The following MCF2L variants were observed in gnomAD, a reference collection of about 807,000 sequenced individuals.
The protein encoded by MCF2L is MCF.2 cell line derived transforming sequence like.
MCF2L carries 97 observed loss-of-function variants against 153.4 expected under a neutral mutation model. The ratio of observed to expected loss-of-function variants is 0.63; its 90% CI spans 0.54 to 0.75. The LOEUF is 0.75. Among genes scored for constraint, MCF2L ranks in the 30% least tolerant of loss-of-function variants. The pLI, the probability that MCF2L is intolerant of heterozygous loss-of-function variation, is 0.00. For missense variants in MCF2L, 1,347 were observed against 1,495.2 expected, an observed-to-expected ratio of 0.90 and a Z score of 1.64; for synonymous variants, 659 against 632.2, an observed-to-expected ratio of 1.04 and a Z score of -0.64.
At chr13:112,990,285 T>G (rs2082848805) in intron 1 of MCF2L, among the ~76,000 whole-genome samples, 1 of 152,222 alleles carries the variant, frequency 6.6e-6, no homozygotes, top group African/African-American at 2.4e-5. Flanking sequence ...CTACACCAGG[T>G]CCAGCCCTGT....
At chr13:112,981,693 G>C (rs1167149117) in intron 1 of MCF2L, among the ~76,000 whole-genome samples, 10 of 152,244 alleles carry the variant, frequency 6.6e-5, no homozygotes, top group African/African-American at 9.6e-5. Context: ...CCGAGGCACA[G>C]GCAGGGGGAC....
At position 112,904,167 on chromosome 13, in the gene MCF2L, G is replaced by A. The variant is rs1222776348; in HGVS notation, c.169+1796G>A. On this transcript the variant is annotated intron_variant, in intron 2 of 29. Transcript: ENST00000375608. The surrounding 1 kb of genome is among the most constrained non-coding windows in gnomAD (Gnocchi z 4.2). ...TTAGAGGTTAAGGTTAGGGTTAGGG[G>A]TTGGGACTGGGGTAGGGGTAGGTGT... Among the ~76,000 whole-genome samples, 1 of 150,926 alleles carries A rather than the reference G, an allele frequency of 6.6e-6. No individual in the cohort carries two copies. The highest frequency in any genetic ancestry group is 2.4e-5 in the African/African-American group (1 of 41,106).
rs1478504633 is a variant in MCF2L, at chr13:113,024,700, A to G, written c.220A>G (p.Ser74Gly). 3.7e-6 allele frequency: 6 copies of G among 1,614,130 alleles called. No homozygotes were observed. In the South Asian group the frequency reaches 6.6e-5, roughly 18 times the overall value. The change falls in exon 3 of 30, where the codon AGC (serine) becomes GGC (glycine). Residue 74 changes from serine (S) to glycine (G), a missense_variant. This residue lies in a region of MCF2L where 820 missense variants were observed against 921.2 expected (regional missense o/e 0.89). Transcript: ENST00000535094. ...CACCTTCCCTGACTACCCGGCCTTC[A>G]GCGAGATTCCGGACAAGGAGTTCCA... ...VITFPDYPAFSEIPDKEFQNV... is the reference protein window; with the variant it reads ...VITFPDYPAFGEIPDKEFQNV...
intron 2 of MCF2L, among the ~76,000 whole-genome samples, chr13:112,906,112 G>A (rs1035777820): frequency 2.6e-5 from 4 of 152,262 alleles, no homozygotes; most frequent in East Asian, 3.9e-4. Flanking sequence ...CAGCTCGCTC[G>A]GTGCGGTCTG....
chr13:112,978,904 G>A (rs1346856863), intron 1 of MCF2L, among the ~76,000 whole-genome samples: 1 of 152,206 alleles, frequency 6.6e-6, no homozygotes, highest in Non-Finnish European at 1.5e-5. Context: ...TGCCCAGCAC[G>A]GTGCCCAGGG....
intron 2 of MCF2L, among the ~76,000 whole-genome samples, chr13:113,018,323 C>T (rs140743535): frequency 1.3e-5 from 2 of 152,344 alleles, no homozygotes; most frequent in African/African-American, 4.8e-5. Flanking sequence ...GTGACATCTG[C>T]CCCAAAAGCG....
intron 12 of MCF2L, among the ~76,000 whole-genome samples, chr13:113,076,814 C>G (rs552279670): frequency 6.6e-6 from 1 of 152,366 alleles, no homozygotes; most frequent in South Asian, 2.1e-4. Context: ...CTGCAGGCCC[C>G]TCCCTCGCAT....
chr13:112,937,247 T>A (rs561463717), intron 2 of MCF2L, among the ~76,000 whole-genome samples: 48 of 151,926 alleles, frequency 3.2e-4, no homozygotes, highest in Non-Finnish European at 6.5e-4. Context: ...TAGAGATGGG[T>A]TTTCACCATA....
intron 3 of MCF2L, among the ~76,000 whole-genome samples, chr13:113,033,287 A>G (rs1339260408): frequency 1.1e-4 from 9 of 79,178 alleles, no homozygotes; most frequent in African/African-American, 4.2e-4. Flanking sequence ...GGCCCCTGTG[A>G]CATTAGTGGA....
intron 1 of MCF2L, among the ~76,000 whole-genome samples, chr13:112,896,360 C>G (rs7321182): frequency 0.11 from 16,427 of 152,092 alleles, 2,476 homozygotes; most frequent in African/African-American, 0.34. Context: ...TGCACCCTTG[C>G]TCACATCGAG....
chr13:113,075,295 G>A (rs2033352685), intron 11 of MCF2L, 106 bp downstream of exon 11: 3 of 1,077,274 alleles, frequency 2.8e-6, no homozygotes, highest in East Asian at 5.3e-5. Flanking sequence ...GCAGCTCTTT[G>A]GCTGGAAAAT....
At chr13:113,077,691 G>A (rs1199020604) in intron 13 of MCF2L, among the ~76,000 whole-genome samples, 1 of 152,152 alleles carries the variant, frequency 6.6e-6, no homozygotes, top group South Asian at 2.1e-4. Context: ...ACCTCAGTCC[G>A]GCGCGCATTG....
chr13:113,032,542 C>T (rs530490995), intron 3 of MCF2L, among the ~76,000 whole-genome samples: 15 of 152,152 alleles, frequency 9.9e-5, no homozygotes, highest in Admixed American at 8.5e-4. Context: ...ACCTTGGCGC[C>T]ATTTGCTGCT....
chr13:113,066,770 C>T lies in MCF2L; in HGVS notation c.881+600C>T, dbSNP rs543608669. ...TCCCCAAGCCTCCCATGTCCCATCT[C>T]GCTGGTGGGTGCTATCAGCCCTGCC... is the stretch of plus-strand genomic sequence containing the variant. On this transcript the variant is annotated intron_variant, in intron 8 of 29. Transcript: ENST00000535094. Among the ~76,000 whole-genome samples, 123 of 151,692 alleles carry T rather than the reference C, an allele frequency of 8.1e-4. 1 individual carries two copies. Among genetic ancestry groups the T allele is most frequent in the South Asian group, 1.7e-3 (8 of 4,790 alleles).
chr13:112,981,184 G>A (rs554122944), intron 1 of MCF2L, among the ~76,000 whole-genome samples: 9 of 151,902 alleles, frequency 5.9e-5, no homozygotes, highest in South Asian at 4.2e-4. Context: ...TGGGGACCCC[G>A]ACACGTCCCC....
At position 112,997,743 on chromosome 13, in the gene MCF2L, T is replaced by A. The variant is rs9577189; in HGVS notation, c.80-17020T>A. Among the ~76,000 whole-genome samples the A allele has an allele frequency of 4.9e-3, 747 of 152,264 alleles. 27 individuals carry two copies. In the East Asian group the frequency reaches 0.1, roughly 21 times the overall value. ...TGGTGCCATCACTCCCACAGCTCCTTGGGGTGGGAAGCGATGGGTCGAGTT... is the reference window on the plus strand; with the variant it reads ...TGGTGCCATCACTCCCACAGCTCCTAGGGGTGGGAAGCGATGGGTCGAGTT... On this transcript the variant is annotated intron_variant, in intron 1 of 29. Transcript: ENST00000535094.
chr13:113,020,857 G>A (rs1452123065), intron 2 of MCF2L, among the ~76,000 whole-genome samples: 1 of 148,440 alleles, frequency 6.7e-6, no homozygotes, highest in Non-Finnish European at 1.5e-5. Context: ...GCATGTATGT[G>A]TAGTGTGTAT....
intron 2 of MCF2L, among the ~76,000 whole-genome samples, chr13:112,938,556 C>T (rs187054794): frequency 7.2e-5 from 11 of 152,276 alleles, no homozygotes; most frequent in African/African-American, 2.2e-4. Context: ...GCAGCATTGA[C>T]GGCAGATTTG....
intron 26 of MCF2L, among the ~76,000 whole-genome samples, chr13:113,091,894 C>T (rs1039298830): frequency 1.4e-4 from 21 of 152,156 alleles, no homozygotes; most frequent in African/African-American, 4.8e-4. Context: ...GCAGAACCAG[C>T]CTTCCCATTC....
Sources: gnomAD v4.1 joint callset for allele counts (sites outside exome capture counted in the v4.1 genomes callset) on GRCh38, gnomAD v4.1.1 for gene constraint, gnomAD v4.1.1 regional missense constraint, Gnocchi (gnomAD v3.1) non-coding constraint, MANE v1.5 for transcripts, NCBI Gene and HGNC (gene_info 2026-07-23, HGNC 2026-07-21) for gene names.